GRID1: variants seen among roughly 807,000 people sequenced by gnomAD.
GRID1 encodes the protein glutamate ionotropic receptor delta type subunit 1.
A neutral mutation model predicts 98.0 loss-of-function variants in GRID1; 28 were observed. The ratio of observed to expected loss-of-function variants is 0.29; its 90% confidence interval spans 0.21 to 0.39. GRID1 has a LOEUF of 0.39. GRID1 is among the 10% of genes least tolerant of loss of function. The probability of loss-of-function intolerance (pLI) is 1.00; values close to 1 mark genes in which losing one functional copy is unlikely to be tolerated. For missense variants in GRID1, 1,111 were observed against 1,340.5 expected, an observed-to-expected ratio of 0.83 and a Z score of 2.67; for synonymous variants, 553 against 538.5, an observed-to-expected ratio of 1.03 and a Z score of -0.37.
At chr10:85,773,880 A>G (rs370369919) in intron 8 of GRID1, among the ~76,000 whole-genome samples, 4 of 152,286 alleles carry the variant, frequency 2.6e-5, no homozygotes, top group Admixed American at 6.5e-5. Flanking sequence ...AATCAATATC[A>G]TGAAAATGGC....
At chr10:85,706,041 A>G (rs1841513973) in intron 12 of GRID1, among the ~76,000 whole-genome samples, 1 of 152,212 alleles carries the variant, frequency 6.6e-6, no homozygotes, top group Admixed American at 6.5e-5. Flanking sequence ...ATTCCCTTTG[A>G]AAACTGGCAC....
intron 4 of GRID1, among the ~76,000 whole-genome samples, chr10:86,069,625 G>A (rs1024710459): frequency 6.6e-6 from 1 of 152,158 alleles, no homozygotes; most frequent in Non-Finnish European, 1.5e-5. Context: ...TCTAGCCTGG[G>A]AGACAGAGTG....
intron 2 of GRID1, among the ~76,000 whole-genome samples, chr10:86,282,753 C>G (rs926200479): frequency 1.3e-5 from 2 of 151,994 alleles, no homozygotes; most frequent in African/African-American, 2.4e-5. Flanking sequence ...ATCCTCTGAG[C>G]CCCCCACTGC....
Position 85,945,309 on chromosome 10 carries a change from C to T in GRID1, c.727-29070G>A, listed in dbSNP as rs549757894. ...GGTATAATTAAAAACATATATGCTC[C>T]ATTATAAACAATTTAAGTCCAGCAA... is the stretch of plus-strand genomic sequence containing the variant. On this transcript the variant is annotated intron_variant, in intron 4 of 15. Coordinates refer to ENST00000327946, the MANE Select transcript of GRID1 (RefSeq NM_017551.3). 2.7e-3 allele frequency among the ~76,000 whole-genome samples: 404 copies of T among 152,240 alleles called. 2 individuals are homozygous for T. Among genetic ancestry groups the T allele is most frequent in the African/African-American group, 9.4e-3 (392 of 41,540 alleles).
chr10:85,745,723 TAAA>T (rs143199820), intron 8 of GRID1, among the ~76,000 whole-genome samples: 33 of 131,474 alleles, frequency 2.5e-4, no homozygotes, highest in African/African-American at 3.6e-4. Context: ...AAAGTATAAT[TAAA>T]AAAAAAAAAA....
At chr10:85,732,088 A>G (rs1456282855) in intron 8 of GRID1, among the ~76,000 whole-genome samples, 1 of 152,162 alleles carries the variant, frequency 6.6e-6, no homozygotes, top group Non-Finnish European at 1.5e-5. Context: ...GATTGCCTCT[A>G]TTCTTTGGAT....
chr10:86,334,219 C>A (rs545251892), intron 2 of GRID1, among the ~76,000 whole-genome samples: 1 of 152,262 alleles, frequency 6.6e-6, no homozygotes, highest in African/African-American at 2.4e-5. Flanking sequence ...CACCTGCTCA[C>A]ATATCAATTA....
intron 4 of GRID1, among the ~76,000 whole-genome samples, chr10:86,116,874 C>G (rs748961251): frequency 2.0e-5 from 3 of 152,120 alleles, no homozygotes; most frequent in Non-Finnish European, 4.4e-5. Context: ...GAGCCAGGTC[C>G]AGAGAGGCAG....
chr10:86,120,738 C>T (rs1282807505), intron 4 of GRID1, among the ~76,000 whole-genome samples: 1 of 152,156 alleles, frequency 6.6e-6, no homozygotes, highest in African/African-American at 2.4e-5. Context: ...TCAGTTTGGA[C>T]ATAAATATTA....
chr10:86,366,534 C>T lies in GRID1; in HGVS notation c.-142G>A, dbSNP rs543091529. ...GCCCGTGCGTCTTCCCCCGCGCGCC[C>T]GCCCCTGCGCCCTGCGCCCGCCCCA... On this transcript the variant is annotated 5_prime_UTR_variant, in exon 1 of 16. Transcript: ENST00000327946. This position sits in a 1 kb window ranked among gnomAD's most constrained non-coding sequence, Gnocchi z 4.1. 3.5e-4 allele frequency: 127 copies of T among 357,916 alleles called. No individual in the cohort carries two copies. Among genetic ancestry groups the T allele is most frequent in the African/African-American group, 2.6e-3 (121 of 45,770 alleles). The allele number at this position is 357,916 out of a possible 1,614,324, so 22.2% of individuals were successfully genotyped here.
intron 4 of GRID1, among the ~76,000 whole-genome samples, chr10:86,005,298 G>T (rs781103728): frequency 7.9e-5 from 12 of 151,686 alleles, no homozygotes; most frequent in Non-Finnish European, 1.6e-4. Flanking sequence ...GCATACATTT[G>T]TAATGCTTCC....
At chr10:86,066,981 C>T (rs528171164) in intron 4 of GRID1, among the ~76,000 whole-genome samples, 1 of 152,346 alleles carries the variant, frequency 6.6e-6, no homozygotes, top group South Asian at 2.1e-4. Flanking sequence ...ACTACAAAGC[C>T]TCCAGATAGG....
intron 2 of GRID1, among the ~76,000 whole-genome samples, chr10:86,273,002 G>A (rs990912100): frequency 2.4e-4 from 37 of 152,198 alleles, no homozygotes; most frequent in African/African-American, 7.7e-4. Flanking sequence ...ATGCTGGTGT[G>A]CTACACCCAT....
rs1342247072 is a variant in GRID1 at position 85,902,063 on chromosome 10, T to C, written c.780+14123A>G. ...CAAGGTTCTTTCACGTTTGCCATAA[T>C]AGATTTTAAAAATAAGGCACTAATG... On this transcript the variant is annotated intron_variant, in intron 5 of 15. Transcript: ENST00000327946. 2.6e-5 allele frequency among the ~76,000 whole-genome samples: 4 copies of C among 152,226 alleles called. No homozygotes were observed. The East Asian group carries it at 5.8e-4, about 22-fold the overall frequency.
intron 14 of GRID1, among the ~76,000 whole-genome samples, chr10:85,618,899 G>A (rs1842823517): frequency 6.6e-6 from 1 of 152,150 alleles, no homozygotes; most frequent in Non-Finnish European, 1.5e-5. Context: ...TAAAGAAATG[G>A]TTTATGAGGA....
chr10:85,666,007 A>C (rs985894356), intron 12 of GRID1, among the ~76,000 whole-genome samples: 3 of 152,184 alleles, frequency 2.0e-5, no homozygotes, highest in African/African-American at 4.8e-5. Context: ...TATTCTGGCA[A>C]ATGTCTCCTA....
In GRID1 at chr10:86,206,658, G is replaced by A. The variant is rs1846030453; in HGVS notation, c.236-10C>T. The A allele has an allele frequency of 1.2e-6, 2 of 1,605,630 alleles. No individual in the cohort carries two copies. Among genetic ancestry groups the A allele is most frequent in the Non-Finnish European group, 1.7e-6 (2 of 1,173,358 alleles). The stretch of plus-strand genomic sequence containing the variant: ...GTCATGAGGTCACAGGCTAGAAAGA[G>A]AGAAGAGAGAGAGGAAGGGGTCAGC... On this transcript the variant is annotated splice_polypyrimidine_tract_variant and intron_variant, in intron 2 of 15. Transcript: ENST00000327946. This position sits in a 1 kb window ranked among gnomAD's most constrained non-coding sequence, Gnocchi z 4.1.
intron 4 of GRID1, among the ~76,000 whole-genome samples, chr10:86,113,961 TC>T (rs1169315454): frequency 2.6e-5 from 4 of 152,110 alleles, no homozygotes; most frequent in African/African-American, 9.7e-5. Flanking sequence ...GATGGTGAGT[TC>T]CCCATGTGCA....
chr10:85,938,692 C>A (rs1447221227), intron 4 of GRID1, among the ~76,000 whole-genome samples: 1 of 152,080 alleles, frequency 6.6e-6, no homozygotes, highest in Non-Finnish European at 1.5e-5. Context: ...ATTCTGGGGG[C>A]CAATTAAAAA....
Sources: gnomAD v4.1 joint callset for allele counts (sites outside exome capture counted in the v4.1 genomes callset) on GRCh38, gnomAD v4.1.1 for gene constraint, Gnocchi (gnomAD v3.1) non-coding constraint, MANE v1.5 for transcripts, NCBI Gene and HGNC (gene_info 2026-07-23, HGNC 2026-07-21) for gene names.